Variants in SPON1 observed in about 807,000 individuals in gnomAD.
SPON1 encodes the protein spondin-1.
Under a neutral mutation model 111.7 loss-of-function variants are expected in SPON1, and 52 were observed. The observed-to-expected ratio is 0.47, with a 90% CI of 0.37 to 0.59. SPON1 has a LOEUF of 0.59. Among genes scored for constraint, SPON1 ranks in the 20% least tolerant of loss-of-function variants. The pLI, the probability that SPON1 is intolerant of heterozygous loss-of-function variation, is 0.00. For missense variants in SPON1, 957 were observed against 1,068.5 expected, an observed-to-expected ratio of 0.90 and a Z score of 1.46; for synonymous variants, 410 against 395.8, an observed-to-expected ratio of 1.04 and a Z score of -0.43.
intron 6 of SPON1, among the ~76,000 whole-genome samples, chr11:14,146,590 T>A (rs1222508926): frequency 6.6e-6 from 1 of 152,192 alleles, no homozygotes; most frequent in Non-Finnish European, 1.5e-5. Flanking sequence ...GATAATTTTT[T>A]AAAAATTATA....
At chr11:14,208,270 G>A (rs371539647) in intron 6 of SPON1, among the ~76,000 whole-genome samples, 6 of 152,004 alleles carry the variant, frequency 3.9e-5, no homozygotes, top group African/African-American at 1.4e-4. Context: ...CTTAATACCT[G>A]GTTGATGAAA....
At chr11:14,092,167 C>A (rs1226948492) in intron 5 of SPON1, among the ~76,000 whole-genome samples, 1 of 152,196 alleles carries the variant, frequency 6.6e-6, no homozygotes. Context: ...TTAAGTGAAA[C>A]GGACCCCTTT....
chr11:14,107,669 G>C (rs1455263034), intron 5 of SPON1, among the ~76,000 whole-genome samples: 1 of 151,602 alleles, frequency 6.6e-6, no homozygotes, highest in Admixed American at 6.6e-5. Context: ...AACTAAAATA[G>C]GAAGGTGGGA....
At chr11:14,169,284 A>G (rs1169746360) in intron 6 of SPON1, among the ~76,000 whole-genome samples, 1 of 151,432 alleles carries the variant, frequency 6.6e-6, no homozygotes, top group Non-Finnish European at 1.5e-5. Context: ...GTGTTTTTTG[A>G]CTGCATAAAT....
intron 2 of SPON1, among the ~76,000 whole-genome samples, chr11:14,012,123 G>A (rs1554913791): frequency 6.6e-6 from 1 of 152,162 alleles, no homozygotes; most frequent in African/African-American, 2.4e-5. Context: ...GTCATAGGAG[G>A]GAGTTCGTTG....
In SPON1 at chr11:14,260,901, C is replaced by T. The variant is rs993561368; in HGVS notation, c.1996+149C>T. ...GTTTGGCTTTCAGTGTTTGCAGTTA[C>T]TTAAACACTGCAGTCAGTTTCATTA... On this transcript the variant is annotated intron_variant, in intron 14 of 15. Coordinates refer to ENST00000576479, the MANE Select transcript of SPON1 (RefSeq NM_006108.4). 6.3e-5 allele frequency: 48 copies of T among 761,004 alleles called. No individual in the cohort carries two copies. In the Middle Eastern group the frequency reaches 1.1e-3, roughly 17 times the overall value. The allele number at this position is 761,004 out of a possible 1,614,324, so 47.1% of individuals were successfully genotyped here.
At position 14,267,557 on chromosome 11, in the gene SPON1, C is replaced by T. The variant is rs1849286604; in HGVS notation, c.*1870C>T. The T allele has an allele frequency of 6.6e-6, 1 of 152,194 alleles. No homozygotes were observed. The highest frequency in any genetic ancestry group is 6.5e-5 in the Admixed American group (1 of 15,286). 9.4% of individuals were successfully genotyped at this position (152,194 alleles called of 1,614,324 possible). On this transcript the variant is annotated 3_prime_UTR_variant, in exon 16 of 16. Transcript: ENST00000576479. ...TAAGCTGGTGATTCCTAATCAAGGA[C>T]AAGCCACCCTAGTGTCTCATGTTTG...
At chr11:14,230,140 TG>T in intron 6 of SPON1, among the ~76,000 whole-genome samples, 1 of 152,276 alleles carries the variant, frequency 6.6e-6, no homozygotes, top group East Asian at 1.9e-4. Context: ...GCTGTTACTT[TG>T]CATTTAAATA....
At chr11:14,191,347 C>T (rs2133891949) in intron 6 of SPON1, among the ~76,000 whole-genome samples, 1 of 152,280 alleles carries the variant, frequency 6.6e-6, no homozygotes, top group East Asian at 1.9e-4. Flanking sequence ...AAACTCTCCC[C>T]TTAATTTATA....
chr11:14,019,026 T>A (rs2133802689), intron 2 of SPON1, among the ~76,000 whole-genome samples: 1 of 152,242 alleles, frequency 6.6e-6, no homozygotes, highest in East Asian at 1.9e-4. Flanking sequence ...GAAGTACAAG[T>A]CCAAAGAGAG....
chr11:13,972,290 C>G (rs960800029), intron 1 of SPON1, among the ~76,000 whole-genome samples: 9 of 152,170 alleles, frequency 5.9e-5, no homozygotes, highest in African/African-American at 2.2e-4. Flanking sequence ...AGCTTGCAGC[C>G]AACTCAAATT....
intron 6 of SPON1, among the ~76,000 whole-genome samples, chr11:14,202,853 C>T (rs532369203): frequency 1.3e-5 from 2 of 152,264 alleles, no homozygotes; most frequent in South Asian, 4.1e-4. Context: ...ACCGATTACA[C>T]CGGGCAGAGT....
intron 15 of SPON1, 99 bp from the exon 16 acceptor site, chr11:14,265,425 G>A (rs1849253459): frequency 4.5e-6 from 6 of 1,331,750 alleles, no homozygotes; most frequent in African/African-American, 1.5e-5. Context: ...TTGAGCAGAG[G>A]AGGAGCCCAG....
chr11:14,265,097 C>A (rs1849248438), intron 15 of SPON1, among the ~76,000 whole-genome samples: 1 of 152,142 alleles, frequency 6.6e-6, no homozygotes, highest in South Asian at 2.1e-4. Flanking sequence ...GCTGGTGGCA[C>A]AATTGGACCA....
intron 1 of SPON1, among the ~76,000 whole-genome samples, chr11:13,964,082 T>C (rs2133770256): frequency 6.6e-6 from 1 of 152,238 alleles, no homozygotes; most frequent in East Asian, 1.9e-4. Flanking sequence ...CCAGCACCGA[T>C]CTGAAGACGC....
chr11:13,989,368 T>C (rs1554910816), intron 2 of SPON1, among the ~76,000 whole-genome samples: 3 of 152,238 alleles, frequency 2.0e-5, no homozygotes, highest in Non-Finnish European at 4.4e-5. Context: ...GATGGTAGTT[T>C]GTATTTCTGT....
chr11:14,133,821 G>A (rs1257526285), intron 5 of SPON1, among the ~76,000 whole-genome samples: 2 of 152,198 alleles, frequency 1.3e-5, no homozygotes. Flanking sequence ...CATGGGGTCT[G>A]CATTTTCCCG....
intron 8 of SPON1, 23 bp downstream of exon 8, chr11:14,254,752 G>A: frequency 4.3e-6 from 7 of 1,609,962 alleles, no homozygotes; most frequent in Non-Finnish European, 5.9e-6. Flanking sequence ...GCCTGGAGTG[G>A]TGAGTGGCTC....
intron 3 of SPON1, among the ~76,000 whole-genome samples, chr11:14,068,759 CTCCGCTGA>C (rs1848852671): frequency 6.6e-6 from 1 of 152,158 alleles, no homozygotes; most frequent in Non-Finnish European, 1.5e-5. Flanking sequence ...AATGGCCACC[CTCCGCTGA>C]GTTGTAGCAC....
Sources: allele counts gnomAD v4.1 joint callset (sites outside exome capture counted in the v4.1 genomes callset), GRCh38; gene constraint gnomAD v4.1.1; transcripts MANE v1.5; gene names NCBI Gene and HGNC (gene_info 2026-07-23, HGNC 2026-07-21).